CSMD1: variants seen among roughly 807,000 people sequenced by gnomAD.
The protein encoded by CSMD1 is CUB and Sushi multiple domains 1.
CSMD1 carries 213 observed loss-of-function variants against 417.5 expected under a neutral mutation model. The observed-to-expected ratio is 0.51, with a 90% CI of 0.46 to 0.57. CSMD1 has a LOEUF of 0.57. Among genes scored for constraint, CSMD1 ranks in the 20% least tolerant of loss-of-function variants. The pLI, the probability that CSMD1 is intolerant of heterozygous loss-of-function variation, is 0.00. For missense variants in CSMD1, 6,923 were observed against 4,529.7 expected, an observed-to-expected ratio of 1.53 and a Z score of -15.17; for synonymous variants, 2,862 against 1,736.8, an observed-to-expected ratio of 1.65 and a Z score of -16.11.
At chr8:4,973,929 A>G (rs1563910202) in intron 1 of CSMD1, among the ~76,000 whole-genome samples, 1 of 152,230 alleles carries the variant, frequency 6.6e-6, no homozygotes, top group Non-Finnish European at 1.5e-5. Flanking sequence ...TTCTTGGAAT[A>G]AAAAGGAAAA....
chr8:4,800,162 G>T (rs1413675462), intron 1 of CSMD1, among the ~76,000 whole-genome samples: 1 of 152,222 alleles, frequency 6.6e-6, no homozygotes, highest in East Asian at 1.9e-4. Flanking sequence ...AAATTGGCCG[G>T]CCGTGACGGC....
At chr8:3,688,566 G>C (rs142499968) in intron 7 of CSMD1, among the ~76,000 whole-genome samples, 168 of 152,288 alleles carry the variant, frequency 1.1e-3, no homozygotes, top group African/African-American at 3.7e-3. Flanking sequence ...CTTAATAAAT[G>C]TTAGCAATGC....
rs375338174 is a variant in CSMD1 at position 3,052,542 on chromosome 8, A to G, written c.7580T>C (p.Leu2527Pro). 1 of 1,608,162 alleles carries G rather than the reference A, an allele frequency of 6.2e-7. No individual in the cohort carries two copies. Among genetic ancestry groups the G allele is most frequent in the African/African-American group, 1.3e-5 (1 of 74,860 alleles). Reference protein sequence around the residue: ...VVYECHEGFKLESSQQATAVC... With the variant: ...VVYECHEGFKPESSQQATAVC... The stretch of plus-strand genomic sequence containing the variant: ...GGCTGTTGCTTGCTGGCTGGATTCA[A>G]GCTTGAAGCCCTCATGACATTCATA... Residue 2527 changes from leucine to proline, a missense_variant, in exon 50 of 70, where the codon CTT (leucine) becomes CCT (proline). Leu to Pro is a moderately conservative substitution (Grantham distance 98). Coordinates refer to ENST00000635120, the MANE Select transcript of CSMD1 (RefSeq NM_033225.6).
At chr8:4,745,022 G>A (rs950759140) in intron 1 of CSMD1, among the ~76,000 whole-genome samples, 1 of 152,042 alleles carries the variant, frequency 6.6e-6, no homozygotes, top group East Asian at 1.9e-4. Flanking sequence ...ATAAACTTGT[G>A]TTAAATTGAA....
intron 33 of CSMD1, among the ~76,000 whole-genome samples, chr8:3,193,230 T>C (rs1436694176): frequency 2.0e-5 from 3 of 152,078 alleles, no homozygotes; most frequent in Non-Finnish European, 4.4e-5. Context: ...GCACCAAGGG[T>C]CATTTGTACA....
chr8:3,056,769 T>A (rs1456060446), intron 49 of CSMD1, among the ~76,000 whole-genome samples: 2 of 150,312 alleles, frequency 1.3e-5, no homozygotes, highest in African/African-American at 2.4e-5. Flanking sequence ...TTTAAATATG[T>A]ATACACATAT....
intron 29 of CSMD1, among the ~76,000 whole-genome samples, chr8:3,218,915 T>C (rs1798041597): frequency 6.6e-6 from 1 of 152,214 alleles, no homozygotes; most frequent in Non-Finnish European, 1.5e-5. Context: ...TACTTACATT[T>C]AATCATCTTG....
At chr8:3,717,555 G>A (rs773789809) in intron 6 of CSMD1, among the ~76,000 whole-genome samples, 1 of 152,114 alleles carries the variant, frequency 6.6e-6, no homozygotes, top group African/African-American at 2.4e-5. Flanking sequence ...GGTTATTGCA[G>A]AATATTTGAG....
At chr8:3,706,239 A>C (rs939487566) in intron 7 of CSMD1, among the ~76,000 whole-genome samples, 1 of 152,234 alleles carries the variant, frequency 6.6e-6, no homozygotes, top group Non-Finnish European at 1.5e-5. Flanking sequence ...TGACAACCCT[A>C]TGGAAAGGAT....
At chr8:4,224,345 G>C (rs1801218845) in intron 3 of CSMD1, among the ~76,000 whole-genome samples, 1 of 152,206 alleles carries the variant, frequency 6.6e-6, no homozygotes, top group Non-Finnish European at 1.5e-5. Flanking sequence ...GGCAGCCTTA[G>C]GTACATGTAC....
At chr8:3,578,267 G>C (rs1800235091) in intron 9 of CSMD1, among the ~76,000 whole-genome samples, 1 of 152,086 alleles carries the variant, frequency 6.6e-6, no homozygotes, top group Non-Finnish European at 1.5e-5. Context: ...AGAAAGAAGA[G>C]ATGACCCAGG....
At chr8:4,448,915 T>G (rs1255073498) in intron 2 of CSMD1, among the ~76,000 whole-genome samples, 1 of 152,218 alleles carries the variant, frequency 6.6e-6, no homozygotes, top group Admixed American at 6.5e-5. Flanking sequence ...ATTTCATCTA[T>G]TAAGTTCAAA....
At chr8:4,184,590 C>A (rs1478075129) in intron 3 of CSMD1, among the ~76,000 whole-genome samples, 1 of 151,940 alleles carries the variant, frequency 6.6e-6, no homozygotes, top group Admixed American at 6.6e-5. Context: ...AGACCATTAT[C>A]TTTAGCAAAC....
intron 18 of CSMD1, among the ~76,000 whole-genome samples, chr8:3,385,060 T>C (rs1183701304): frequency 8.5e-6 from 1 of 118,162 alleles, no homozygotes; most frequent in Non-Finnish European, 1.6e-5. Flanking sequence ...ATATAATATA[T>C]AATATATAAA....
chr8:3,674,988 A>C lies in CSMD1; in HGVS notation c.1009+33426T>G, dbSNP rs1799297306. Among the ~76,000 whole-genome samples the C allele has an allele frequency of 2.6e-5, 4 of 152,310 alleles. No homozygotes were observed. The South Asian group carries it at 8.3e-4, about 32-fold the overall frequency. Reference sequence around the variant, plus strand: ...ACAGGCACAAAAAGGGGTTAACATCAGTCTCCCTGGAAGGTTTTTAATGCC... The same window carrying C: ...ACAGGCACAAAAAGGGGTTAACATCCGTCTCCCTGGAAGGTTTTTAATGCC... On this transcript the variant is annotated intron_variant, in intron 7 of 69. Transcript: ENST00000635120.
intron 3 of CSMD1, among the ~76,000 whole-genome samples, chr8:4,100,802 T>G (rs1286765537): frequency 6.6e-6 from 1 of 152,006 alleles, no homozygotes; most frequent in Non-Finnish European, 1.5e-5. Context: ...TGCCAAAAAA[T>G]AAAAAGTTAA....
rs147551068 is a variant in CSMD1 at position 3,928,976 on chromosome 8, T to C, written c.818+68927A>G. On this transcript the variant is annotated intron_variant, in intron 5 of 69. Coordinates refer to ENST00000635120, the MANE Select transcript of CSMD1 (RefSeq NM_033225.6). ...GCTGTGGTTTTGTGTGCTAAAACAATTGGTTGTCATTGTATAAGAAATCTT... is the reference window on the plus strand; with the variant it reads ...GCTGTGGTTTTGTGTGCTAAAACAACTGGTTGTCATTGTATAAGAAATCTT... 2.3e-3 allele frequency among the ~76,000 whole-genome samples: 348 copies of C among 150,670 alleles called. 19 individuals carry two copies. The highest frequency in any genetic ancestry group is 6.8e-3 in the Middle Eastern group (2 of 292).
At chr8:3,660,037 T>C (rs1178444548) in intron 7 of CSMD1, among the ~76,000 whole-genome samples, 3 of 152,252 alleles carry the variant, frequency 2.0e-5, no homozygotes, top group Admixed American at 1.3e-4. Flanking sequence ...CATTCTGTAC[T>C]GTCCCTGTGT....
chr8:4,033,602 G>T (rs1797469058), intron 3 of CSMD1, among the ~76,000 whole-genome samples: 1 of 152,150 alleles, frequency 6.6e-6, no homozygotes, highest in Admixed American at 6.5e-5. Context: ...CTAAGTTGTG[G>T]CTCAATCCTC....
Sources: gnomAD v4.1 joint callset for allele counts (sites outside exome capture counted in the v4.1 genomes callset) on GRCh38, gnomAD v4.1.1 for gene constraint, MANE v1.5 for transcripts, NCBI Gene and HGNC (gene_info 2026-07-23, HGNC 2026-07-21) for gene names.